WNK2: variants seen among roughly 807,000 people sequenced by gnomAD.
WNK2 encodes the protein serine/threonine-protein kinase WNK2.
Under a neutral mutation model 192.1 loss-of-function variants are expected in WNK2, and 67 were observed. The ratio of observed to expected loss-of-function variants is 0.35; its 90% CI spans 0.29 to 0.43. The LOEUF (loss-of-function observed/expected upper bound fraction) is 0.43. WNK2 is among the 20% of genes least tolerant of loss of function. WNK2 has a pLI of 1.00. For missense variants in WNK2, 2,698 were observed against 3,089.7 expected, an observed-to-expected ratio of 0.87 and a Z score of 3.01; for synonymous variants, 1,439 against 1,393.9, an observed-to-expected ratio of 1.03 and a Z score of -0.72.
At chr9:93,261,357 G>C (rs569006622) in intron 12 of WNK2, among the ~76,000 whole-genome samples, 2 of 152,236 alleles carry the variant, frequency 1.3e-5, no homozygotes, top group African/African-American at 4.8e-5. Flanking sequence ...AGAGAGACGA[G>C]AACAGTGAGA....
intron 4 of WNK2, 27 bp from the exon 5 acceptor site, chr9:93,234,781 A>C (rs2132138740): frequency 6.2e-7 from 1 of 1,604,018 alleles, no homozygotes; most frequent in South Asian, 1.1e-5. Flanking sequence ...GCCAGCTGAC[A>C]GCTGCGTCTG....
chr9:93,240,979 C>A (rs1840663851), intron 7 of WNK2, among the ~76,000 whole-genome samples: 2 of 152,134 alleles, frequency 1.3e-5, no homozygotes, highest in Admixed American at 6.5e-5. Flanking sequence ...CTGCCCTGGG[C>A]CGGGGGCTGT....
intron 16 of WNK2, chr9:93,267,340 A>C: frequency 6.1e-6 from 1 of 164,404 alleles, no homozygotes; most frequent in Admixed American, 6.1e-5. Context: ...CTTCAAATCC[A>C]TCCTTCTTGT....
chr9:93,293,026 G>GC lies in WNK2; in HGVS notation c.5565dup (p.Glu1856ArgfsTer30). ...AGGCCTTCTCGGGCCGGCTCGCTGG[G>GC]CCCCGAGACACCCAGCAGGGTGGGC... is the stretch of plus-strand genomic sequence containing the variant. On this transcript the variant is annotated frameshift_variant, in exon 23 of 30. Coordinates refer to ENST00000427277, the MANE Select transcript of WNK2 (RefSeq NM_006648.4). LOFTEE classifies it high-confidence loss of function. The GC allele has an allele frequency of 6.2e-7, 1 of 1,604,468 alleles. No homozygotes were observed. The highest frequency in any genetic ancestry group is 8.5e-7 in the Non-Finnish European group (1 of 1,175,878).
chr9:93,185,428 C>A lies in WNK2; in HGVS notation c.499C>A (p.Arg167Ser), dbSNP rs1396014501. ...GAAEAKPEPG[R>S]TRRDEPEEEE... ...GGCCGAGGCGAAGCCTGAGCCCGGG[C>A]GCACTCGCCGGGACGAGCCCGAAGA... is the stretch of plus-strand genomic sequence containing the variant. The change falls in exon 2 of 30, where the codon CGC (arginine) becomes AGC (serine). Residue 167 changes from arginine to serine, a missense_variant. Physicochemically the swap from Arg to Ser is moderately radical, Grantham distance 110 (BLOSUM62 -1). Transcript: ENST00000427277. 1.9e-6 allele frequency: 3 copies of A among 1,611,126 alleles called. No homozygotes were observed. The Admixed American group carries it at 5.0e-5, about 27-fold the overall frequency.
At chr9:93,302,116 C>T (rs1256664988) in intron 26 of WNK2, among the ~76,000 whole-genome samples, 1 of 152,242 alleles carries the variant, frequency 6.6e-6, no homozygotes, top group African/African-American at 2.4e-5. Flanking sequence ...ATCTGCTGCT[C>T]ATGGGTAAAC....
At chr9:93,230,199 C>CTGGGGAG (rs1401944578) in intron 3 of WNK2, among the ~76,000 whole-genome samples, 1 of 152,076 alleles carries the variant, frequency 6.6e-6, no homozygotes, top group Non-Finnish European at 1.5e-5. Context: ...TTAGTGAGGG[C>CTGGGGAG]TGGGGAGTGG....
intron 29 of WNK2, chr9:93,318,647 C>T (rs1855144519): frequency 6.4e-7 from 1 of 1,555,816 alleles, no homozygotes; most frequent in Admixed American, 1.8e-5. Flanking sequence ...AGAGGCTGCC[C>T]TCTCTCCTGC....
At chr9:93,218,746 T>C (rs1836249169) in intron 2 of WNK2, among the ~76,000 whole-genome samples, 1 of 152,120 alleles carries the variant, frequency 6.6e-6, no homozygotes. Flanking sequence ...TGCCTGTCCA[T>C]GTTGGGGGTG....
At chr9:93,226,731 T>C (rs1482485523) in intron 2 of WNK2, among the ~76,000 whole-genome samples, 3 of 152,200 alleles carry the variant, frequency 2.0e-5, no homozygotes, top group Non-Finnish European at 2.9e-5. Flanking sequence ...ACCAGACATA[T>C]TCTTTTGTTT....
At chr9:93,209,385 C>A (rs2131469927) in intron 2 of WNK2, among the ~76,000 whole-genome samples, 1 of 152,284 alleles carries the variant, frequency 6.6e-6, no homozygotes, top group Non-Finnish European at 1.5e-5. Flanking sequence ...TGCTTGCTCT[C>A]CATTGGGGTG....
At chr9:93,208,134 A>G (rs1203702493) in intron 2 of WNK2, among the ~76,000 whole-genome samples, 1 of 152,192 alleles carries the variant, frequency 6.6e-6, no homozygotes, top group Non-Finnish European at 1.5e-5. Flanking sequence ...GGTTGGTTTC[A>G]CTGTGGCGGA....
intron 11 of WNK2, among the ~76,000 whole-genome samples, chr9:93,258,107 C>T (rs748540396): frequency 6.6e-6 from 1 of 152,306 alleles, no homozygotes; most frequent in Non-Finnish European, 1.5e-5. Context: ...CTAGTGAAAT[C>T]GTTATCTTGC....
At chr9:93,242,916 A>G (rs990134517) in intron 7 of WNK2, among the ~76,000 whole-genome samples, 12 of 152,208 alleles carry the variant, frequency 7.9e-5, no homozygotes, top group African/African-American at 2.9e-4. Flanking sequence ...GGGCAGGAGA[A>G]TGAGGCGCTC....
At chr9:93,200,614 C>T (rs1385372007) in intron 2 of WNK2, among the ~76,000 whole-genome samples, 2 of 152,176 alleles carry the variant, frequency 1.3e-5, no homozygotes, top group Non-Finnish European at 2.9e-5. Context: ...CCCTCGTTTG[C>T]GGCTGAGCTT....
intron 29 of WNK2, chr9:93,318,921 T>C (rs550159357): frequency 4.2e-6 from 6 of 1,417,136 alleles, no homozygotes; most frequent in African/African-American, 2.9e-5. Flanking sequence ...TCTGTACTTA[T>C]TAGAACTGGG....
At chr9:93,212,400 C>T (rs1207623105) in intron 2 of WNK2, among the ~76,000 whole-genome samples, 1 of 152,142 alleles carries the variant, frequency 6.6e-6, no homozygotes, top group Non-Finnish European at 1.5e-5. Context: ...GAGAGGCTGG[C>T]CCCAGCCCCA....
At chr9:93,301,271 G>T (rs1418009816) in intron 26 of WNK2, among the ~76,000 whole-genome samples, 1 of 152,240 alleles carries the variant, frequency 6.6e-6, no homozygotes, top group Non-Finnish European at 1.5e-5. Flanking sequence ...CTGGTTTGGG[G>T]CACGTGACTT....
chr9:93,214,723 G>T (rs991692545), intron 2 of WNK2, among the ~76,000 whole-genome samples: 3 of 113,942 alleles, frequency 2.6e-5, no homozygotes, highest in Non-Finnish European at 5.1e-5. Flanking sequence ...CCCTCTCTTT[G>T]CTGAGTTTAA....
Sources: gnomAD v4.1 joint callset for allele counts (sites outside exome capture counted in the v4.1 genomes callset) on GRCh38, gnomAD v4.1.1 for gene constraint, MANE v1.5 for transcripts, NCBI Gene and HGNC (gene_info 2026-07-23, HGNC 2026-07-21) for gene names.